PI4KA: variants seen among roughly 807,000 people sequenced by gnomAD.
PI4KA encodes PI4-kinase alpha.
PI4KA carries 122 observed loss-of-function variants against 271.4 expected under a neutral mutation model. The observed-to-expected ratio is 0.45, with a 90% CI of 0.39 to 0.52. PI4KA has a LOEUF of 0.52. Among genes scored for constraint, PI4KA ranks in the 20% least tolerant of loss-of-function variants. PI4KA has a pLI of 0.00. For missense variants in PI4KA, 1,969 were observed against 2,769.1 expected (o/e 0.71, Z 6.48); for synonymous variants, 1,041 against 1,078.8 (o/e 0.96, Z 0.69).
At chr22:20,816,731 G>C (rs1053336688) in intron 7 of PI4KA, among the ~76,000 whole-genome samples, 2 of 152,250 alleles carry the variant, frequency 1.3e-5, no homozygotes, top group African/African-American at 2.4e-5. Flanking sequence ...ATTTCAGAGA[G>C]CAGGGCTCGC....
chr22:20,759,708 G>A (rs1269915274), intron 23 of PI4KA, among the ~76,000 whole-genome samples: 1 of 152,122 alleles, frequency 6.6e-6, no homozygotes, highest in East Asian at 1.9e-4. Context: ...TGGGACTACA[G>A]GCGCAGGCCA....
Position 20,747,710 on chromosome 22 carries a change from A to T in PI4KA, c.3244-8T>A, listed in dbSNP as rs1930264860. The T allele has an allele frequency of 6.2e-7, 1 of 1,611,932 alleles. No individual in the cohort carries two copies. Among genetic ancestry groups the T allele is most frequent in the South Asian group, 1.1e-5 (1 of 90,950 alleles). On this transcript the variant is annotated splice_polypyrimidine_tract_variant and splice_region_variant and intron_variant, in intron 28 of 54. Coordinates refer to ENST00000255882, the MANE Select transcript of PI4KA (RefSeq NM_058004.4). ...ATGTTTGTTCAGATATTCCTGAAAT[A>T]GGAAAAACACATGGGGTTTCAGTTA...
rs865872324 is a variant in PI4KA, at chr22:20,858,598, G to A, written c.128C>T (p.Ala43Val). Residue 43 changes from alanine (A) to valine (V), a missense_variant, in exon 1 of 55, where the codon GCG becomes GTG. Around this residue, in one of 13 missense-constraint regions of PI4KA, gnomAD observed 540 missense variants for 555.5 expected, o/e 0.97. Transcript: ENST00000255882. The part of the protein sequence containing the change: ...NTVLSLARSL[A>V]VQRPASLEKV... ...CTCCAAGGATGCTGGTCTCTGCACCGCCAGGGAGCGGGCCAGTGACAGGAC... is the reference window on the plus strand; with the variant it reads ...CTCCAAGGATGCTGGTCTCTGCACCACCAGGGAGCGGGCCAGTGACAGGAC... 2.0e-6 allele frequency: 3 copies of A among 1,472,796 alleles called. No individual in the cohort carries two copies. Among genetic ancestry groups the A allele is most frequent in the East Asian group, 2.9e-5 (1 of 34,318 alleles). 91.2% of individuals were successfully genotyped at this position (1,472,796 alleles called of 1,614,324 possible). A position where few individuals can be genotyped will look rare whatever the true frequency, so the allele number is the denominator to read the frequency against.
intron 27 of PI4KA, among the ~76,000 whole-genome samples, chr22:20,750,566 G>C (rs1015467678): frequency 6.6e-6 from 1 of 152,226 alleles, no homozygotes; most frequent in African/African-American, 2.4e-5. Context: ...CAAGGTTTGT[G>C]GCAGAATCTA....
intron 19 of PI4KA, among the ~76,000 whole-genome samples, chr22:20,789,044 G>A (rs1232928823): frequency 6.6e-6 from 1 of 152,126 alleles, no homozygotes; most frequent in Non-Finnish European, 1.5e-5. Context: ...AATGCCTTTT[G>A]TTCATGTACA....
chr22:20,838,574 C>A (rs770841729), intron 2 of PI4KA, 41 bp downstream of exon 2: 31 of 1,124,884 alleles, frequency 2.8e-5, no homozygotes, highest in Non-Finnish European at 4.2e-5. Flanking sequence ...CACTACACCC[C>A]CTTTTACAAT....
chr22:20,742,464 T>C lies in PI4KA; in HGVS notation c.3614-109A>G. On this transcript the variant is annotated intron_variant, in intron 31 of 54. Coordinates refer to ENST00000255882, the MANE Select transcript of PI4KA (RefSeq NM_058004.4). ...AGCTGGGGCCAGTGATGGCCTTTTA[T>C]TGACTTTCCACTCATGAGAGATACT... 2.6e-6 allele frequency: 4 copies of C among 1,557,678 alleles called. No homozygotes were observed. In the East Asian group the frequency reaches 9.0e-5, roughly 35 times the overall value.
At chr22:20,851,206 T>C (rs973417528) in intron 1 of PI4KA, among the ~76,000 whole-genome samples, 2 of 151,840 alleles carry the variant, frequency 1.3e-5, no homozygotes, top group African/African-American at 2.4e-5. Flanking sequence ...TTTTTTTTAA[T>C]GTCTATTTAT....
chr22:20,836,160 C>G (rs533763489), intron 2 of PI4KA, among the ~76,000 whole-genome samples: 1 of 152,282 alleles, frequency 6.6e-6, no homozygotes, highest in East Asian at 1.9e-4. Flanking sequence ...GCCCTGGAAC[C>G]TAGACACTAT....
At chr22:20,844,142 C>T (rs1925948688) in intron 1 of PI4KA, among the ~76,000 whole-genome samples, 1 of 152,186 alleles carries the variant, frequency 6.6e-6, no homozygotes. Context: ...AAGATAATTA[C>T]CTTCCTGATG....
At position 20,747,652 on chromosome 22, in the gene PI4KA, C is replaced by T. The variant is rs149908635; in HGVS notation, c.3294G>A (p.Thr1098=). The T allele has an allele frequency of 5.5e-4, 880 of 1,613,108 alleles. 2 individuals are homozygous for T. In the African/African-American group the frequency reaches 6.9e-3, roughly 13 times the overall value. Residue 1098 remains threonine, a synonymous_variant, in exon 29 of 55, where the codon ACG becomes ACA. Transcript: ENST00000255882. ...QNWVSGLSQH[T]GLAMATESIL... is the part of the protein sequence containing the mutation. ...TGCTCTCAGTGGCCATGGCCAGCCCCGTGTGCTGGGACAGTCCCGATACCC... is the reference window on the plus strand; with the variant it reads ...TGCTCTCAGTGGCCATGGCCAGCCCTGTGTGCTGGGACAGTCCCGATACCC...
chr22:20,749,776 C>A, intron 28 of PI4KA, 129 bp downstream of exon 28: 1 of 668,020 alleles, frequency 1.5e-6, no homozygotes, highest in Non-Finnish European at 2.8e-6. Context: ...ATTCTCAGGC[C>A]CTAGACTGAT....
rs775166339 is a variant in PI4KA, at chr22:20,764,951, C to G, written c.2575-1G>C. ...TGCTGCGGAGCTCACTCAGCTCAGC[C>G]TGGAGGGAGAGAAACATCCGAGGGC... On this transcript the variant is annotated splice_acceptor_variant, in intron 21 of 54. Coordinates refer to ENST00000255882, the MANE Select transcript of PI4KA (RefSeq NM_058004.4). LOFTEE classifies it high-confidence loss of function. 1 of 1,602,634 alleles carries G rather than the reference C, an allele frequency of 6.2e-7. No homozygotes were observed. Among genetic ancestry groups the G allele is most frequent in the Non-Finnish European group, 8.5e-7 (1 of 1,171,442 alleles).
chr22:20,822,977 G>C (rs897484631), intron 4 of PI4KA, among the ~76,000 whole-genome samples: 4 of 152,138 alleles, frequency 2.6e-5, no homozygotes, highest in Admixed American at 6.6e-5. Flanking sequence ...GCAATGGCAT[G>C]ATCTCAGCTC....
chr22:20,767,321 A>G (rs1403424732), intron 19 of PI4KA, among the ~76,000 whole-genome samples: 2 of 151,862 alleles, frequency 1.3e-5, no homozygotes, highest in Non-Finnish European at 2.9e-5. Context: ...GCAGGCGCCT[A>G]TAGTCCCAGC....
At chr22:20,834,454 G>A in intron 3 of PI4KA, 108 bp downstream of exon 3, 2 of 745,580 alleles carry the variant, frequency 2.7e-6, no homozygotes, top group Non-Finnish European at 2.4e-6. Flanking sequence ...CCAGCCAGGA[G>A]GGAGACAAGA....
chr22:20,759,453 G>A (rs368202941), intron 23 of PI4KA, among the ~76,000 whole-genome samples: 1 of 142,230 alleles, frequency 7.0e-6, no homozygotes, highest in Non-Finnish European at 1.5e-5. Context: ...ACCCAGGATG[G>A]AGTGCTGAGG....
intron 41 of PI4KA, 101 bp from the exon 42 acceptor site, chr22:20,726,642 C>A: frequency 9.3e-7 from 1 of 1,075,244 alleles, no homozygotes; most frequent in South Asian, 1.6e-5. Context: ...CACAGCAGGG[C>A]TGAGAACTGG....
chr22:20,735,682 G>C (rs1928623930), intron 32 of PI4KA, among the ~76,000 whole-genome samples: 3 of 152,202 alleles, frequency 2.0e-5, no homozygotes. Context: ...AGGCTGTGAG[G>C]GTGGAGACAA....
Sources: gnomAD v4.1 joint callset for allele counts (sites outside exome capture counted in the v4.1 genomes callset) on GRCh38, gnomAD v4.1.1 for gene constraint, gnomAD v4.1.1 regional missense constraint, MANE v1.5 for transcripts, NCBI Gene and HGNC (gene_info 2026-07-23, HGNC 2026-07-21) for gene names.